Variants in MACROD2 observed in about 807,000 individuals in gnomAD.
The protein encoded by MACROD2 is mono-ADP ribosylhydrolase 2, also known as ADP-ribose glycohydrolase MACROD2.
In MACROD2, 36 loss-of-function variants were observed where a neutral mutation model predicts 70.4. That is an observed-to-expected ratio of 0.51 (90% CI 0.39 to 0.68). MACROD2 has a LOEUF of 0.68. MACROD2 is among the 30% of genes least tolerant of loss of function. The pLI is 0.00. For synonymous variants in MACROD2, 172 were observed against 178.8 expected (o/e 0.96, Z 0.30); for missense variants, 496 against 538.4 (o/e 0.92, Z 0.78).
intron 5 of MACROD2, among the ~76,000 whole-genome samples, chr20:14,982,119 G>A (rs1439106819): frequency 6.6e-6 from 1 of 152,170 alleles, no homozygotes; most frequent in Admixed American, 6.5e-5. Flanking sequence ...TTTTAGGAAA[G>A]AGACTGGCAG....
chr20:14,551,771 CTT>C (rs1487865209), intron 4 of MACROD2, among the ~76,000 whole-genome samples: 2 of 152,134 alleles, frequency 1.3e-5, no homozygotes, highest in Non-Finnish European at 1.5e-5. Context: ...AAAAAGGCAA[CTT>C]AATATTCTCT....
intron 2 of MACROD2, among the ~76,000 whole-genome samples, chr20:14,084,764 A>G (rs1209761933): frequency 1.3e-5 from 2 of 150,112 alleles, no homozygotes; most frequent in Admixed American, 6.7e-5. Flanking sequence ...ATACAATTTG[A>G]TAAGAAAGGA....
chr20:15,379,181 C>G (rs1317155516), intron 6 of MACROD2, among the ~76,000 whole-genome samples: 1 of 152,056 alleles, frequency 6.6e-6, no homozygotes, highest in Admixed American at 6.6e-5. Context: ...TACAAATAAG[C>G]TATAGTTGCT....
intron 3 of MACROD2, among the ~76,000 whole-genome samples, chr20:14,216,258 AG>A (rs1450115748): frequency 1.3e-5 from 2 of 152,114 alleles, no homozygotes; most frequent in Non-Finnish European, 2.9e-5. Flanking sequence ...TTTGTTGAAA[AG>A]GGTGTCCTTT....
intron 4 of MACROD2, among the ~76,000 whole-genome samples, chr20:14,642,012 A>G (rs1176517159): frequency 7.9e-5 from 12 of 152,198 alleles, no homozygotes; most frequent in Non-Finnish European, 4.4e-5. Flanking sequence ...TCTTCTTCCA[A>G]TAGAAGGCTG....
intron 5 of MACROD2, among the ~76,000 whole-genome samples, chr20:14,696,946 T>C (rs999333905): frequency 1.3e-5 from 2 of 152,228 alleles, no homozygotes; most frequent in Admixed American, 6.5e-5. Flanking sequence ...TAAATACATA[T>C]ACATGTCATC....
chr20:15,871,367 C>T (rs1450993572), intron 9 of MACROD2, among the ~76,000 whole-genome samples: 2 of 152,088 alleles, frequency 1.3e-5, no homozygotes, highest in Non-Finnish European at 2.9e-5. Flanking sequence ...ATGTCTTCTG[C>T]ATCCTCCCTT....
chr20:14,503,216 A>G (rs2084933044), intron 4 of MACROD2, among the ~76,000 whole-genome samples: 2 of 152,140 alleles, frequency 1.3e-5, no homozygotes, highest in Non-Finnish European at 2.9e-5. Context: ...AGAAGTAGGG[A>G]AAGAAAAACC....
chr20:14,627,382 G>T (rs1984241649), intron 4 of MACROD2, among the ~76,000 whole-genome samples: 1 of 152,122 alleles, frequency 6.6e-6, no homozygotes. Context: ...CAGAAGCCCA[G>T]CCCTACTGCC....
At chr20:15,622,821 T>A (rs573141815) in intron 8 of MACROD2, among the ~76,000 whole-genome samples, 1 of 152,222 alleles carries the variant, frequency 6.6e-6, no homozygotes, top group African/African-American at 2.4e-5. Context: ...ATAATTGTTC[T>A]ATTTTATTAT....
chr20:15,712,265 C>T (rs993929655), intron 8 of MACROD2, among the ~76,000 whole-genome samples: 16 of 152,196 alleles, frequency 1.1e-4, no homozygotes, highest in African/African-American at 3.9e-4. Flanking sequence ...CTGTGTTGTG[C>T]ATAAAAAAGC....
chr20:14,279,170 A>G (rs1177128712), intron 3 of MACROD2, among the ~76,000 whole-genome samples: 2 of 152,196 alleles, frequency 1.3e-5, no homozygotes, highest in African/African-American at 2.4e-5. Context: ...AAGAAATAAC[A>G]TTTTTGGAGT....
intron 6 of MACROD2, among the ~76,000 whole-genome samples, chr20:15,351,567 T>C (rs531956078): frequency 6.6e-6 from 1 of 152,250 alleles, no homozygotes; most frequent in African/African-American, 2.4e-5. Flanking sequence ...ATCACTTCAA[T>C]GGGTTGAGTT....
intron 5 of MACROD2, among the ~76,000 whole-genome samples, chr20:14,709,509 T>C (rs956053336): frequency 3.9e-5 from 6 of 152,196 alleles, no homozygotes; most frequent in Non-Finnish European, 8.8e-5. Flanking sequence ...CCAACATATA[T>C]GTATTTAGAT....
intron 5 of MACROD2, among the ~76,000 whole-genome samples, chr20:15,101,534 CAAA>C (rs6147300): frequency 0.053 from 4,741 of 88,934 alleles, 347 homozygotes; most frequent in East Asian, 0.18. Context: ...GGTGTTGGTT[CAAA>C]AAAAAAAAAA....
At chr20:15,774,819 G>T (rs1413152179) in intron 8 of MACROD2, among the ~76,000 whole-genome samples, 1 of 151,990 alleles carries the variant, frequency 6.6e-6, no homozygotes. Flanking sequence ...AAAAAAAAAT[G>T]TGTTAATGAC....
chr20:14,127,829 G>A (rs2054671792), intron 3 of MACROD2: 1 of 460,984 alleles, frequency 2.2e-6, no homozygotes, highest in East Asian at 5.4e-5. Context: ...AGAAAAAACA[G>A]CAATCAATAG....
chr20:15,407,028 G>C (rs796723401), intron 6 of MACROD2, among the ~76,000 whole-genome samples: 5 of 152,302 alleles, frequency 3.3e-5, no homozygotes, highest in African/African-American at 1.2e-4. Context: ...CCTGTTCGGA[G>C]ACCAAGAATT....
At chr20:15,540,907 A>G (rs774489594) in intron 8 of MACROD2, among the ~76,000 whole-genome samples, 6 of 152,176 alleles carry the variant, frequency 3.9e-5, no homozygotes, top group Non-Finnish European at 7.3e-5. Flanking sequence ...CTCCTTTTCT[A>G]GAGATGCCGT....
Sources: gnomAD v4.1 joint callset for allele counts (sites outside exome capture counted in the v4.1 genomes callset) on GRCh38, gnomAD v4.1.1 for gene constraint, MANE v1.5 for transcripts, NCBI Gene and HGNC (gene_info 2026-07-23, HGNC 2026-07-21) for gene names.